The following KHDRBS3 variants were observed in gnomAD, a reference collection of about 807,000 sequenced individuals.
KHDRBS3 encodes KH domain-containing, RNA-binding, signal transduction-associated protein 3.
A neutral mutation model predicts 45.6 loss-of-function variants in KHDRBS3; 23 were observed. The ratio of observed to expected loss-of-function variants is 0.50; its 90% confidence interval spans 0.36 to 0.72. The LOEUF is 0.72. KHDRBS3 is among the 30% of genes least tolerant of loss of function. KHDRBS3 has a pLI of 0.00. For missense variants in KHDRBS3, 352 were observed against 424.8 expected (o/e 0.83, Z 1.51); for synonymous variants, 162 against 156.5 (o/e 1.04, Z -0.26).
At chr8:135,467,893 C>T (rs1821780145) in intron 1 of KHDRBS3, among the ~76,000 whole-genome samples, 1 of 152,170 alleles carries the variant, frequency 6.6e-6, no homozygotes, top group African/African-American at 2.4e-5. Context: ...CTTTTAGATC[C>T]ATTAACATTT....
intron 7 of KHDRBS3, among the ~76,000 whole-genome samples, chr8:135,641,004 G>A (rs1051689944): frequency 6.6e-5 from 10 of 152,104 alleles, no homozygotes; most frequent in Non-Finnish European, 1.0e-4. Flanking sequence ...CCAGCTCCTC[G>A]GCTTGATGAC....
At chr8:135,523,499 G>A (rs1287820306) in intron 2 of KHDRBS3, among the ~76,000 whole-genome samples, 1 of 151,902 alleles carries the variant, frequency 6.6e-6, no homozygotes, top group Non-Finnish European at 1.5e-5. Context: ...ATTCTAGTAA[G>A]TTGTTTTGTA....
intron 7 of KHDRBS3, among the ~76,000 whole-genome samples, chr8:135,627,160 G>A (rs1395327351): frequency 6.6e-6 from 1 of 152,134 alleles, no homozygotes; most frequent in Non-Finnish European, 1.5e-5. Flanking sequence ...CTCATGCAAG[G>A]ATGTAATCAG....
At chr8:135,489,049 T>G (rs1823007445) in intron 1 of KHDRBS3, among the ~76,000 whole-genome samples, 1 of 152,230 alleles carries the variant, frequency 6.6e-6, no homozygotes, top group South Asian at 2.1e-4. Context: ...CTGCTTTTAG[T>G]GAATGACCAT....
At chr8:135,596,546 A>G (rs1451439525) in intron 6 of KHDRBS3, among the ~76,000 whole-genome samples, 1 of 152,174 alleles carries the variant, frequency 6.6e-6, no homozygotes, top group East Asian at 1.9e-4. Flanking sequence ...ATAGTCCTGA[A>G]ATTATTTTTT....
At chr8:135,608,092 T>A (rs140812956) in intron 7 of KHDRBS3, among the ~76,000 whole-genome samples, 5 of 152,288 alleles carry the variant, frequency 3.3e-5, no homozygotes, top group African/African-American at 1.2e-4. Context: ...GAATGCTTGA[T>A]AAGACTTTGT....
intron 7 of KHDRBS3, among the ~76,000 whole-genome samples, chr8:135,644,572 G>A (rs1320046823): frequency 1.3e-5 from 2 of 152,180 alleles, no homozygotes; most frequent in Non-Finnish European, 2.9e-5. Context: ...GGTAGACGAG[G>A]GTGTAAGAAG....
At chr8:135,608,201 G>T (rs1444964373) in intron 7 of KHDRBS3, among the ~76,000 whole-genome samples, 1 of 152,116 alleles carries the variant, frequency 6.6e-6, no homozygotes, top group Non-Finnish European at 1.5e-5. Context: ...TAAGTAATTT[G>T]CCAGAAATTG....
intron 1 of KHDRBS3, among the ~76,000 whole-genome samples, chr8:135,511,559 T>C (rs900905055): frequency 6.6e-6 from 1 of 152,040 alleles, no homozygotes; most frequent in Non-Finnish European, 1.5e-5. Flanking sequence ...GTTGTTGTTG[T>C]TGTTGTTGTT....
chr8:135,654,257 G>A (rs1831485914), intron 4 of KHDRBS3, among the ~76,000 whole-genome samples: 1 of 151,850 alleles, frequency 6.6e-6, no homozygotes, highest in African/African-American at 2.4e-5. Flanking sequence ...CAGAGATGTA[G>A]TTAGTTTCTA....
chr8:135,653,147 G>A (rs1831464104), intron 4 of KHDRBS3, among the ~76,000 whole-genome samples: 1 of 152,192 alleles, frequency 6.6e-6, no homozygotes, highest in African/African-American at 2.4e-5. Flanking sequence ...AGGTACCATT[G>A]TGAAGTGTGC....
chr8:135,478,489 A>T (rs1037412024), intron 1 of KHDRBS3, among the ~76,000 whole-genome samples: 1 of 152,224 alleles, frequency 6.6e-6, no homozygotes, highest in Non-Finnish European at 1.5e-5. Context: ...CTCAACAGAC[A>T]TCTGTAGAAT....
chr8:135,512,605 A>T (rs536318967), intron 1 of KHDRBS3, among the ~76,000 whole-genome samples: 35 of 152,208 alleles, frequency 2.3e-4, no homozygotes, highest in African/African-American at 8.4e-4. Context: ...CTGCTAGCTA[A>T]CTCTTTACAA....
intron 1 of KHDRBS3, among the ~76,000 whole-genome samples, chr8:135,479,269 C>T (rs1822447680): frequency 6.6e-6 from 1 of 152,146 alleles, no homozygotes; most frequent in Admixed American, 6.5e-5. Flanking sequence ...ACTTGAAAAT[C>T]TGAATATACT....
intron 5 of KHDRBS3, among the ~76,000 whole-genome samples, chr8:135,573,513 G>A (rs888598111): frequency 6.6e-6 from 1 of 152,138 alleles, no homozygotes; most frequent in Non-Finnish European, 1.5e-5. Flanking sequence ...TACATACCCA[G>A]GGTGTAAACA....
intron 1 of KHDRBS3, among the ~76,000 whole-genome samples, chr8:135,479,863 A>G (rs1428531981): frequency 6.6e-6 from 1 of 152,322 alleles, no homozygotes; most frequent in East Asian, 1.9e-4. Flanking sequence ...ATCACAAGAA[A>G]ACTACACATC....
intron 1 of KHDRBS3, among the ~76,000 whole-genome samples, chr8:135,485,826 G>C (rs1822825062): frequency 8.5e-6 from 1 of 117,918 alleles, no homozygotes; most frequent in Non-Finnish European, 1.7e-5. Flanking sequence ...ATGCAGGATT[G>C]ATTGGCATTT....
At chr8:135,529,003 C>G (rs1825332731) in intron 2 of KHDRBS3, among the ~76,000 whole-genome samples, 1 of 152,098 alleles carries the variant, frequency 6.6e-6, no homozygotes, top group East Asian at 1.9e-4. Flanking sequence ...TTGTTGACAT[C>G]AAGGCAGCCT....
rs745538626 is a variant in KHDRBS3 at position 135,582,085 on chromosome 8, T to TG, written c.807+13dup. 2 of 1,524,338 alleles carry TG rather than the reference T, an allele frequency of 1.3e-6. No individual in the cohort carries two copies. The highest frequency in any genetic ancestry group is 4.7e-5 in the East Asian group (2 of 42,354). 94.4% of individuals were successfully genotyped at this position (1,524,338 alleles called of 1,614,324 possible). A position where few individuals can be genotyped will look rare whatever the true frequency, so the allele number is the denominator to read the frequency against. On this transcript the variant is annotated intron_variant, in intron 6 of 8. Transcript: ENST00000355849. ...CTTATGGAGAATATGTAAGTGAAGG[T>TG]GTCAGACAACAGCCTTGTTCATCAG...
Sources: allele counts gnomAD v4.1 joint callset (sites outside exome capture counted in the v4.1 genomes callset), GRCh38; gene constraint gnomAD v4.1.1; transcripts MANE v1.5; gene names NCBI Gene and HGNC (gene_info 2026-07-23, HGNC 2026-07-21).